The following STXBP5L variants were observed in gnomAD, a reference collection of about 807,000 sequenced individuals.
The protein encoded by STXBP5L is syntaxin binding protein 5L.
STXBP5L carries 65 observed loss-of-function variants against 144.5 expected under a neutral mutation model. That is an observed-to-expected ratio of 0.45 (90% CI 0.37 to 0.55). The LOEUF (loss-of-function observed/expected upper bound fraction) is 0.55. Ranked by LOEUF, STXBP5L falls within the 20% of genes least tolerant of loss-of-function variation. The pLI is 0.00. For missense variants in STXBP5L, 1,298 were observed against 1,405.5 expected (o/e 0.92, Z 1.22); for synonymous variants, 505 against 469.6 (o/e 1.08, Z -0.97).
intron 20 of STXBP5L, among the ~76,000 whole-genome samples, chr3:121,367,974 C>T (rs1387222304): frequency 6.6e-6 from 1 of 151,658 alleles, no homozygotes; most frequent in Non-Finnish European, 1.5e-5. Context: ...GTTTATCTTC[C>T]TTGGAATTCA....
chr3:121,142,843 G>A (rs2107946354), intron 7 of STXBP5L, among the ~76,000 whole-genome samples: 1 of 151,732 alleles, frequency 6.6e-6, no homozygotes, highest in Admixed American at 6.6e-5. Context: ...CTAGAGAAGA[G>A]CAAACTAAGC....
At chr3:121,304,085 C>A (rs1464741495) in intron 19 of STXBP5L, among the ~76,000 whole-genome samples, 1 of 151,490 alleles carries the variant, frequency 6.6e-6, no homozygotes, top group African/African-American at 2.4e-5. Context: ...AAAACACTAT[C>A]CCCAAAAAAG....
chr3:121,080,719 T>C (rs1432214702), intron 5 of STXBP5L, among the ~76,000 whole-genome samples: 3 of 152,230 alleles, frequency 2.0e-5, no homozygotes, highest in Non-Finnish European at 4.4e-5. Context: ...GTTAACCTTA[T>C]AGGTTTTTCT....
At chr3:121,253,137 A>T (rs1195752214) in intron 15 of STXBP5L, among the ~76,000 whole-genome samples, 1 of 152,146 alleles carries the variant, frequency 6.6e-6, no homozygotes, top group East Asian at 1.9e-4. Context: ...AAATAATCAT[A>T]GGAATGATAC....
Position 121,117,010 on chromosome 3 carries a change from A to T in STXBP5L, c.605+1951A>T, listed in dbSNP as rs551553928. ...TCTTAAGCAAATTAAACATTTCACC[A>T]CTCTTGCAATGCTGTTCTTATATTC... On this transcript the variant is annotated intron_variant, in intron 6 of 26. Coordinates refer to ENST00000471454, the MANE Select transcript of STXBP5L (RefSeq NM_001308330.2). Among the ~76,000 whole-genome samples the T allele has an allele frequency of 2.5e-4, 38 of 151,954 alleles. No individual in the cohort carries two copies. In the South Asian group the frequency reaches 7.7e-3, roughly 31 times the overall value.
At chr3:121,360,225 C>CT (rs1282397158) in intron 20 of STXBP5L, among the ~76,000 whole-genome samples, 8 of 150,714 alleles carry the variant, frequency 5.3e-5, no homozygotes. Flanking sequence ...GTGACTCCTC[C>CT]TTTTTTTGGT....
At chr3:121,041,655 TG>T (rs768138020) in intron 3 of STXBP5L, 44 bp from the exon 4 acceptor site, 4 of 1,366,774 alleles carry the variant, frequency 2.9e-6, no homozygotes, top group Non-Finnish European at 4.2e-6. Flanking sequence ...TCATTAATAT[TG>T]GTGCTAATTA....
chr3:120,952,805 A>AT (rs1711354616), intron 2 of STXBP5L, among the ~76,000 whole-genome samples: 1 of 151,802 alleles, frequency 6.6e-6, no homozygotes, highest in African/African-American at 2.4e-5. Context: ...AATTTTTAAA[A>AT]TTTTTTCCGT....
At chr3:121,140,613 C>T (rs1478212636) in intron 7 of STXBP5L, among the ~76,000 whole-genome samples, 1 of 152,038 alleles carries the variant, frequency 6.6e-6, no homozygotes. Context: ...GGAGGACCTA[C>T]GTTAAGGGAA....
At chr3:121,416,758 C>G (rs1000536550) in intron 25 of STXBP5L, among the ~76,000 whole-genome samples, 2 of 151,760 alleles carry the variant, frequency 1.3e-5, no homozygotes, top group Non-Finnish European at 2.9e-5. Flanking sequence ...GCCCACCTCA[C>G]CCTCCCAAAG....
intron 3 of STXBP5L, among the ~76,000 whole-genome samples, chr3:120,979,847 G>T (rs1479359464): frequency 1.3e-5 from 2 of 152,088 alleles, no homozygotes; most frequent in African/African-American, 2.4e-5. Context: ...ATCTTTTTAA[G>T]GTAGGCATTT....
At chr3:121,067,928 A>G (rs2041625672) in intron 5 of STXBP5L, among the ~76,000 whole-genome samples, 1 of 152,212 alleles carries the variant, frequency 6.6e-6, no homozygotes, top group Non-Finnish European at 1.5e-5. Flanking sequence ...TTTGCATGGC[A>G]TATATATTTC....
At chr3:121,187,933 C>G (rs551878950) in intron 9 of STXBP5L, among the ~76,000 whole-genome samples, 1 of 151,496 alleles carries the variant, frequency 6.6e-6, no homozygotes, top group Non-Finnish European at 1.5e-5. Flanking sequence ...AACAAAGAGA[C>G]AGAGAAGGGC....
intron 10 of STXBP5L, among the ~76,000 whole-genome samples, chr3:121,207,081 C>T (rs1292078812): frequency 1.3e-5 from 2 of 152,066 alleles, no homozygotes; most frequent in African/African-American, 4.8e-5. Flanking sequence ...CATTTTTAAC[C>T]TGTTATTTTA....
chr3:120,979,329 G>T lies in STXBP5L; in HGVS notation c.287+24292G>T, dbSNP rs534097309. Among the ~76,000 whole-genome samples the T allele has an allele frequency of 3.9e-5, 6 of 152,290 alleles. No individual in the cohort carries two copies. The East Asian group carries it at 9.6e-4, about 24-fold the overall frequency. ...CTGTGCTAGCAATCAGCAATACTCCGTGGGCATAGGACCCTCCGAGCCAGG... is the reference window on the plus strand; with the variant it reads ...CTGTGCTAGCAATCAGCAATACTCCTTGGGCATAGGACCCTCCGAGCCAGG... On this transcript the variant is annotated intron_variant, in intron 3 of 26. Coordinates refer to ENST00000471454, the MANE Select transcript of STXBP5L (RefSeq NM_001308330.2).
At chr3:121,047,151 T>C (rs1484610087) in intron 5 of STXBP5L, among the ~76,000 whole-genome samples, 1 of 152,164 alleles carries the variant, frequency 6.6e-6, no homozygotes, top group Non-Finnish European at 1.5e-5. Flanking sequence ...TTCCATCCAA[T>C]TGTATGGTTT....
chr3:121,244,101 C>A (rs1559899749), intron 14 of STXBP5L, among the ~76,000 whole-genome samples: 1 of 151,464 alleles, frequency 6.6e-6, no homozygotes, highest in Non-Finnish European at 1.5e-5. Context: ...TATTACCTGA[C>A]AAAGAGTTCA....
chr3:121,323,517 G>T (rs1017684021), intron 20 of STXBP5L, among the ~76,000 whole-genome samples: 7 of 152,130 alleles, frequency 4.6e-5, no homozygotes, highest in African/African-American at 1.7e-4. Flanking sequence ...GGAGCTTGAA[G>T]AATCCATTGA....
intron 19 of STXBP5L, among the ~76,000 whole-genome samples, chr3:121,312,553 C>A (rs2043577478): frequency 7.4e-6 from 1 of 135,696 alleles, no homozygotes; most frequent in Non-Finnish European, 1.5e-5. Context: ...GGAAGGTCAG[C>A]AGATAAACAA....
Sources: allele counts gnomAD v4.1 joint callset (sites outside exome capture counted in the v4.1 genomes callset), GRCh38; gene constraint gnomAD v4.1.1; transcripts MANE v1.5; gene names NCBI Gene and HGNC (gene_info 2026-07-23, HGNC 2026-07-21).